The following TOM1L1 variants were observed in gnomAD, a reference collection of about 807,000 sequenced individuals.
TOM1L1 encodes target of myb1 like 1 membrane trafficking protein.
A neutral mutation model predicts 63.4 loss-of-function variants in TOM1L1; 64 were observed. That is an observed-to-expected ratio of 1.01 (90% CI 0.83 to 1.24). The LOEUF (loss-of-function observed/expected upper bound fraction) is 1.24, where lower values mean the gene tolerates loss of function less well. Among genes scored for constraint, TOM1L1 ranks in the 50% most tolerant of loss-of-function variants. The pLI is 0.00. For missense variants in TOM1L1, 536 were observed against 567.0 expected, an observed-to-expected ratio of 0.95 and a Z score of 0.55; for synonymous variants, 166 against 194.4, an observed-to-expected ratio of 0.85 and a Z score of 1.22.
At chr17:54,944,636 A>G (rs902441911) in intron 11 of TOM1L1, among the ~76,000 whole-genome samples, 1 of 152,088 alleles carries the variant, frequency 6.6e-6, no homozygotes, top group Admixed American at 6.5e-5. Flanking sequence ...GAATGCCTCT[A>G]TTTTGTCTGT....
At chr17:54,954,957 G>GCTGTATTA (rs1444945896) in intron 14 of TOM1L1, 1 of 152,170 alleles carries the variant, frequency 6.6e-6, no homozygotes. Flanking sequence ...CTGGAGCCAG[G>GCTGTATTA]CTGTATTACA....
At chr17:54,957,301 T>C (rs777623089) in intron 14 of TOM1L1, 16 of 152,366 alleles carry the variant, frequency 1.1e-4, no homozygotes, top group Middle Eastern at 3.4e-3. Flanking sequence ...TATTTTTTCC[T>C]AACTCAGGTT....
At chr17:54,919,274 C>T (rs1025079740) in intron 7 of TOM1L1, among the ~76,000 whole-genome samples, 11 of 152,074 alleles carry the variant, frequency 7.2e-5, no homozygotes, top group Admixed American at 3.3e-4. Flanking sequence ...TCAAAGTAAA[C>T]GGATATGTGG....
At chr17:54,947,938 A>C (rs919967508) in intron 12 of TOM1L1, among the ~76,000 whole-genome samples, 1 of 151,932 alleles carries the variant, frequency 6.6e-6, no homozygotes, top group African/African-American at 2.4e-5. Context: ...CTTTCCACTT[A>C]ATGTCTCCTC....
intron 7 of TOM1L1, among the ~76,000 whole-genome samples, chr17:54,921,700 C>T (rs550973858): frequency 1.3e-5 from 2 of 152,002 alleles, no homozygotes; most frequent in Admixed American, 6.6e-5. Context: ...CACTGCACTC[C>T]AGCCTCGGTA....
At chr17:54,943,743 C>T (rs2143930057) in intron 11 of TOM1L1, among the ~76,000 whole-genome samples, 1 of 151,868 alleles carries the variant, frequency 6.6e-6, no homozygotes, top group Non-Finnish European at 1.5e-5. Flanking sequence ...TTTTGGGAGG[C>T]TGAGGCGGGC....
chr17:54,902,170 A>C (rs1226927700), intron 1 of TOM1L1, among the ~76,000 whole-genome samples: 2 of 152,226 alleles, frequency 1.3e-5, no homozygotes, highest in East Asian at 3.9e-4. Context: ...AAAACACACA[A>C]AACTTAGGAG....
At chr17:54,920,002 A>G (rs905451469) in intron 7 of TOM1L1, among the ~76,000 whole-genome samples, 5 of 151,434 alleles carry the variant, frequency 3.3e-5, no homozygotes, top group Non-Finnish European at 4.4e-5. Context: ...TTATTTATTT[A>G]TTTATTTTAT....
chr17:54,923,843 G>C (rs2048723449), intron 7 of TOM1L1, among the ~76,000 whole-genome samples: 1 of 152,066 alleles, frequency 6.6e-6, no homozygotes, highest in Non-Finnish European at 1.5e-5. Context: ...TAATTAGCCA[G>C]GCATGGTGGC....
At chr17:54,912,408 T>C (rs1049502073) in intron 3 of TOM1L1, among the ~76,000 whole-genome samples, 9 of 152,212 alleles carry the variant, frequency 5.9e-5, no homozygotes, top group African/African-American at 1.9e-4. Flanking sequence ...ATTTAGCATT[T>C]AGTACTCTGC....
At chr17:54,956,373 C>T (rs1483772474) in intron 14 of TOM1L1, among the ~76,000 whole-genome samples, 1 of 151,974 alleles carries the variant, frequency 6.6e-6, no homozygotes, top group African/African-American at 2.4e-5. Flanking sequence ...GGGGTGATCT[C>T]GGCTCACTGC....
At chr17:54,905,436 G>A in intron 2 of TOM1L1, 53 bp from the exon 3 acceptor site, 1 of 1,225,160 alleles carries the variant, frequency 8.2e-7, no homozygotes, top group Non-Finnish European at 1.2e-6. Context: ...CAGAGAGACT[G>A]CTTGTTTTCA....
chr17:54,913,665 CAAAAAAA>C (rs58570485), intron 4 of TOM1L1, 76 bp from the exon 5 acceptor site: 22,047 of 1,067,990 alleles, frequency 0.021, 5 homozygotes, highest in Non-Finnish European at 0.022. Flanking sequence ...GACTCTGTCT[CAAAAAAA>C]AAAAAAAAAA....
intron 12 of TOM1L1, among the ~76,000 whole-genome samples, chr17:54,949,222 A>G (rs1220415784): frequency 2.6e-5 from 1 of 38,550 alleles, no homozygotes; most frequent in African/African-American, 9.2e-5. Flanking sequence ...TTTTTTTTGT[A>G]GAGTTGGGGT....
intron 12 of TOM1L1, among the ~76,000 whole-genome samples, chr17:54,949,181 G>A (rs1162136703): frequency 6.7e-6 from 1 of 149,706 alleles, no homozygotes; most frequent in Non-Finnish European, 1.5e-5. Flanking sequence ...GGGACTACAG[G>A]TGTGAGCCAC....
At chr17:54,921,385 C>A (rs1187842003) in intron 7 of TOM1L1, among the ~76,000 whole-genome samples, 1 of 151,998 alleles carries the variant, frequency 6.6e-6, no homozygotes, top group African/African-American at 2.4e-5. Flanking sequence ...AAAAAATTAA[C>A]CATTATTTTA....
intron 1 of TOM1L1, 91 bp from the exon 2 acceptor site, chr17:54,903,617 A>G (rs2048362053): frequency 1.0e-5 from 12 of 1,156,224 alleles, no homozygotes; most frequent in Non-Finnish European, 1.4e-5. Context: ...ACTTAATGAC[A>G]CTTGCTGGTG....
chr17:54,915,714 G>A (rs376674312), intron 6 of TOM1L1, 32 bp from the exon 7 acceptor site: 126 of 1,461,734 alleles, frequency 8.6e-5, no homozygotes, highest in African/African-American at 5.6e-4. Flanking sequence ...TTTGTGTGTC[G>A]CACTGACTGG....
chr17:54,936,842 T>C (rs2048955418), intron 9 of TOM1L1, 133 bp downstream of exon 9: 8 of 754,672 alleles, frequency 1.1e-5, no homozygotes, highest in East Asian at 2.7e-5. Context: ...TTTAATGGTA[T>C]AGATTACTTG....
Sources: allele counts gnomAD v4.1 joint callset (sites outside exome capture counted in the v4.1 genomes callset), GRCh38; gene constraint gnomAD v4.1.1; transcripts MANE v1.5; gene names NCBI Gene and HGNC (gene_info 2026-07-23, HGNC 2026-07-21).